The following FSTL4 variants were observed in gnomAD, a reference collection of about 807,000 sequenced individuals.
FSTL4 encodes the protein follistatin-related protein 4.
A neutral mutation model predicts 78.2 loss-of-function variants in FSTL4; 28 were observed. That is an observed-to-expected ratio of 0.36 (90% CI 0.27 to 0.49). FSTL4 has a LOEUF of 0.49. Among genes scored for constraint, FSTL4 ranks in the 20% least tolerant of loss-of-function variants. FSTL4 has a pLI of 0.98. For synonymous variants in FSTL4, 422 were observed against 440.5 expected, an observed-to-expected ratio of 0.96 and a Z score of 0.53; for missense variants, 922 against 1,084.9, an observed-to-expected ratio of 0.85 and a Z score of 2.11.
the FSTL4 span, among the ~76,000 whole-genome samples, chr5:133,627,927 C>G: frequency 6.6e-6 from 1 of 151,582 alleles, no homozygotes; most frequent in Middle Eastern, 3.4e-3. Context: ...GAGTATATCT[C>G]TTTGTATCAC....
the FSTL4 span, among the ~76,000 whole-genome samples, chr5:133,696,290 C>T: frequency 6.6e-6 from 1 of 152,344 alleles, no homozygotes; most frequent in East Asian, 1.9e-4. Flanking sequence ...CTTCAGCTGT[C>T]CTGGCTTTGT....
Position 133,483,640 on chromosome 5 carries a change from C to T in FSTL4, c.161-82654G>A, listed in dbSNP as rs541305053. Among the ~76,000 whole-genome samples, 192 of 152,324 alleles carry T rather than the reference C, an allele frequency of 1.3e-3. 1 individual carries two copies. Among genetic ancestry groups the T allele is most frequent in the African/African-American group, 4.4e-3 (183 of 41,564 alleles). On this transcript the variant is annotated intron_variant, in intron 3 of 15. Transcript: ENST00000265342. ...AGGCCAGGTCATGATCCAGCCTTTT[C>T]CTTTTGGTGCTTCGGAGCTTCTCAT...
chr5:133,402,343 T>C (rs1756250074), intron 3 of FSTL4, among the ~76,000 whole-genome samples: 1 of 152,192 alleles, frequency 6.6e-6, no homozygotes, highest in South Asian at 2.1e-4. Context: ...CACTGCATTC[T>C]GGGAGTCTGG....
the FSTL4 span, among the ~76,000 whole-genome samples, chr5:133,773,854 G>A: frequency 6.6e-6 from 1 of 152,168 alleles, no homozygotes; most frequent in South Asian, 2.1e-4. Context: ...TGAAGATTGG[G>A]TTACTCACCC....
At chr5:133,682,760 C>A in the FSTL4 span, among the ~76,000 whole-genome samples, 5 of 152,132 alleles carry the variant, frequency 3.3e-5, no homozygotes, top group African/African-American at 1.2e-4. Context: ...AAAGAGGATG[C>A]GGGGTACAAA....
chr5:133,343,883 A>G (rs1754641634), intron 4 of FSTL4, among the ~76,000 whole-genome samples: 1 of 152,256 alleles, frequency 6.6e-6, no homozygotes, highest in Non-Finnish European at 1.5e-5. Flanking sequence ...AAACAAAGTA[A>G]AAATCCCAAA....
At chr5:133,523,110 A>G (rs1759017681) in intron 3 of FSTL4, among the ~76,000 whole-genome samples, 1 of 152,066 alleles carries the variant, frequency 6.6e-6, no homozygotes, top group African/African-American at 2.4e-5. Flanking sequence ...CTCAAATCTG[A>G]TAGGACTGGT....
chr5:133,349,961 T>A (rs1269120998), intron 4 of FSTL4, among the ~76,000 whole-genome samples: 1 of 149,528 alleles, frequency 6.7e-6, no homozygotes, highest in Non-Finnish European at 1.5e-5. Context: ...GGACTTTGTT[T>A]GTCAGGCTGC....
At chr5:133,679,748 C>A in the FSTL4 span, among the ~76,000 whole-genome samples, 2 of 152,158 alleles carry the variant, frequency 1.3e-5, no homozygotes, top group African/African-American at 4.8e-5. Context: ...CATAGGAGGT[C>A]TCTGCACATG....
chr5:133,820,255 A>T, the FSTL4 span, among the ~76,000 whole-genome samples: 1 of 152,072 alleles, frequency 6.6e-6, no homozygotes, highest in African/African-American at 2.4e-5. Context: ...CTCTCCACTT[A>T]TTTCTGCTTC....
chr5:133,641,282 G>T, the FSTL4 span, among the ~76,000 whole-genome samples: 1 of 106,292 alleles, frequency 9.4e-6, no homozygotes, highest in Non-Finnish European at 2.2e-5. Context: ...AAAAAAACAC[G>T]TACTGATTCA....
intron 3 of FSTL4, among the ~76,000 whole-genome samples, chr5:133,408,786 G>A (rs1023954985): frequency 3.9e-5 from 6 of 152,274 alleles, no homozygotes; most frequent in Non-Finnish European, 7.3e-5. Flanking sequence ...TGGTCCTTAC[G>A]GGATTGCCCC....
rs75836836 is a variant in FSTL4, at chr5:133,453,406, C to G, written c.161-52420G>C. ...ACTTCTGAGTGGATGCTCCCACCCC[C>G]AGGCAATGGAACCTGTCCCTGGGAG... On this transcript the variant is annotated intron_variant, in intron 3 of 15. Coordinates refer to ENST00000265342, the MANE Select transcript of FSTL4 (RefSeq NM_015082.2). Among the ~76,000 whole-genome samples, 646 of 152,316 alleles carry G rather than the reference C, an allele frequency of 4.2e-3. 4 individuals are homozygous for G. Among genetic ancestry groups the G allele is most frequent in the African/African-American group, 0.015 (631 of 41,562 alleles).
chr5:133,527,468 C>T (rs868616071), intron 3 of FSTL4, among the ~76,000 whole-genome samples: 1 of 124,348 alleles, frequency 8.0e-6, no homozygotes, highest in Non-Finnish European at 1.8e-5. Context: ...GAGATGTGCA[C>T]GTGTACACAC....
chr5:133,627,253 G>A, the FSTL4 span, among the ~76,000 whole-genome samples: 1 of 151,446 alleles, frequency 6.6e-6, no homozygotes, highest in African/African-American at 2.4e-5. Context: ...TAAAGAAAAG[G>A]GGTTTAATTG....
chr5:133,455,245 C>A (rs1169573919), intron 3 of FSTL4, among the ~76,000 whole-genome samples: 3 of 152,198 alleles, frequency 2.0e-5, no homozygotes, highest in Non-Finnish European at 4.4e-5. Flanking sequence ...GGCTCCTCTT[C>A]TTGGTACTTC....
chr5:133,424,106 CAGA>C (rs780391913), intron 3 of FSTL4, among the ~76,000 whole-genome samples: 2 of 152,218 alleles, frequency 1.3e-5, no homozygotes, highest in Non-Finnish European at 2.9e-5. Flanking sequence ...CTGACGCCAG[CAGA>C]AGAAGTGCCT....
At chr5:133,391,188 A>G (rs1755839746) in intron 4 of FSTL4, among the ~76,000 whole-genome samples, 1 of 152,180 alleles carries the variant, frequency 6.6e-6, no homozygotes, top group African/African-American at 2.4e-5. Context: ...AAACTGCTTG[A>G]GCACAGAGAT....
chr5:133,270,460 T>G (rs1752743160), intron 6 of FSTL4, among the ~76,000 whole-genome samples: 2 of 152,162 alleles, frequency 1.3e-5, no homozygotes, highest in African/African-American at 4.8e-5. Context: ...TGCCACAGAA[T>G]GTATTAGCGC....
Sources: allele counts gnomAD v4.1 joint callset (sites outside exome capture counted in the v4.1 genomes callset), GRCh38; gene constraint gnomAD v4.1.1; transcripts MANE v1.5; gene names NCBI Gene and HGNC (gene_info 2026-07-23, HGNC 2026-07-21).